The following CFAP77 variants were observed in gnomAD, a reference collection of about 807,000 sequenced individuals.
CFAP77 encodes cilia and flagella associated protein 77.
CFAP77 carries 25 observed loss-of-function variants against 31.1 expected under a neutral mutation model. That is an observed-to-expected ratio of 0.80 (90% CI 0.59 to 1.12). The LOEUF (loss-of-function observed/expected upper bound fraction) is 1.12, where lower values mean the gene tolerates loss of function less well. CFAP77 is among the 50% of genes most tolerant of loss of function. The pLI is 0.00. For missense variants in CFAP77, 377 were observed against 397.3 expected (o/e 0.95, Z 0.44); for synonymous variants, 151 against 159.9 (o/e 0.94, Z 0.42).
intron 1 of CFAP77, among the ~76,000 whole-genome samples, chr9:132,476,771 T>C (rs114427834): frequency 0.019 from 2,861 of 152,212 alleles, 96 homozygotes; most frequent in African/African-American, 0.065. Flanking sequence ...CACCGCAGAC[T>C]GCCAGCAACC....
intron 1 of CFAP77, among the ~76,000 whole-genome samples, chr9:132,425,418 C>T (rs1036427005): frequency 1.2e-4 from 19 of 152,234 alleles, no homozygotes; most frequent in African/African-American, 3.4e-4. Context: ...ATGCTCCCCC[C>T]TCCTTATCCC....
intron 1 of CFAP77, among the ~76,000 whole-genome samples, chr9:132,446,798 A>G (rs1255084140): frequency 6.6e-6 from 1 of 151,492 alleles, no homozygotes; most frequent in African/African-American, 2.4e-5. Context: ...TGAGGGCTCT[A>G]CTGTGTGGGA....
At chr9:132,426,772 T>C (rs529429737) in intron 1 of CFAP77, among the ~76,000 whole-genome samples, 1 of 152,280 alleles carries the variant, frequency 6.6e-6, no homozygotes, top group South Asian at 2.1e-4. Flanking sequence ...TTTGGGGCAG[T>C]GGTTTATGGT....
intron 1 of CFAP77, among the ~76,000 whole-genome samples, chr9:132,432,413 C>T (rs1028415044): frequency 5.3e-5 from 8 of 152,118 alleles, no homozygotes; most frequent in Admixed American, 3.3e-4. Context: ...GAGCCAGACC[C>T]GTCCATAGAT....
At chr9:132,412,597 T>G (rs538462115) in intron 1 of CFAP77, among the ~76,000 whole-genome samples, 4 of 152,192 alleles carry the variant, frequency 2.6e-5, no homozygotes, top group Admixed American at 2.6e-4. Flanking sequence ...TTTTGGGTTT[T>G]TTTGTTTGTT....
At chr9:132,535,906 A>G (rs1277828047) in intron 3 of CFAP77, among the ~76,000 whole-genome samples, 2 of 152,288 alleles carry the variant, frequency 1.3e-5, no homozygotes, top group South Asian at 2.1e-4. Context: ...AGTCAAAACT[A>G]TAACACAAAG....
intron 3 of CFAP77, among the ~76,000 whole-genome samples, chr9:132,509,958 G>A (rs1162443601): frequency 6.6e-6 from 1 of 152,134 alleles, no homozygotes; most frequent in African/African-American, 2.4e-5. Flanking sequence ...CTTCATGGGA[G>A]CTTTGTCTCC....
In CFAP77 at chr9:132,522,527, G is replaced by C. The variant is rs541565678; in HGVS notation, c.525-15074G>C. On this transcript the variant is annotated intron_variant, in intron 3 of 5. Transcript: ENST00000393216. ...GGGCTCTCCGCCTGGGGCAAAAATC[G>C]TTCATTTTGGGGGTGGGAAAAATGC... 1.6e-4 allele frequency among the ~76,000 whole-genome samples: 24 copies of C among 152,220 alleles called. No homozygotes were observed. The South Asian group carries it at 5.0e-3, about 32-fold the overall frequency.
chr9:132,456,799 G>A (rs1850923536), intron 1 of CFAP77, among the ~76,000 whole-genome samples: 1 of 151,746 alleles, frequency 6.6e-6, no homozygotes, highest in Non-Finnish European at 1.5e-5. Flanking sequence ...TGCCTAGGCT[G>A]GAGTGCAGTG....
chr9:132,509,166 C>T (rs182913084), intron 3 of CFAP77, among the ~76,000 whole-genome samples: 18 of 152,334 alleles, frequency 1.2e-4, no homozygotes, highest in South Asian at 1.0e-3. Context: ...GTGCAGCAGA[C>T]GCCCGTCACC....
In CFAP77 at chr9:132,542,271, C is replaced by T. The variant is rs1399375744; in HGVS notation, c.631-675C>T. ...CATCCCCAGCCGCCTACGCCCCATCCCCTGGCACATCTTAGGACATGACAC... is the reference window on the plus strand; with the variant it reads ...CATCCCCAGCCGCCTACGCCCCATCTCCTGGCACATCTTAGGACATGACAC... On this transcript the variant is annotated intron_variant, in intron 4 of 5. Transcript: ENST00000393216. Among the ~76,000 whole-genome samples the T allele has an allele frequency of 2.6e-5, 4 of 152,246 alleles. No individual in the cohort carries two copies. In the East Asian group the frequency reaches 7.7e-4, roughly 29 times the overall value.
intron 1 of CFAP77, among the ~76,000 whole-genome samples, chr9:132,433,963 C>T (rs1850459802): frequency 7.0e-6 from 1 of 142,178 alleles, no homozygotes; most frequent in Admixed American, 7.0e-5. Flanking sequence ...ATAGGGAGAC[C>T]CCATGTGTAA....
chr9:132,469,699 T>A (rs1209012822), intron 1 of CFAP77, among the ~76,000 whole-genome samples: 1 of 152,088 alleles, frequency 6.6e-6, no homozygotes, highest in African/African-American at 2.4e-5. Flanking sequence ...AATTACAGAC[T>A]CACAGAGAGG....
At chr9:132,440,106 G>C (rs1212492975) in intron 1 of CFAP77, among the ~76,000 whole-genome samples, 1 of 151,968 alleles carries the variant, frequency 6.6e-6, no homozygotes, top group Non-Finnish European at 1.5e-5. Flanking sequence ...CGAGGCGAGG[G>C]GATCACTTGA....
intron 3 of CFAP77, among the ~76,000 whole-genome samples, chr9:132,505,803 T>C (rs1851921480): frequency 6.6e-6 from 1 of 152,110 alleles, no homozygotes. Context: ...GCTTCTCTCA[T>C]TTTTGTTACC....
chr9:132,476,725 G>A lies in CFAP77; in HGVS notation c.196-21970G>A, dbSNP rs182633848. ...GGGAGAAGGCCATGTGGAAACAGAG[G>A]CAGAGATTGGAGTGATACAGCCACA... is the stretch of plus-strand genomic sequence containing the variant. On this transcript the variant is annotated intron_variant, in intron 1 of 5. Coordinates refer to ENST00000393216, the MANE Select transcript of CFAP77 (RefSeq NM_001282957.2). Among the ~76,000 whole-genome samples the A allele has an allele frequency of 3.4e-3, 515 of 152,242 alleles. 3 individuals are homozygous for A. The highest frequency in any genetic ancestry group is 0.011 in the African/African-American group (476 of 41,540).
At chr9:132,566,562 A>G (rs1414884624) in intron 5 of CFAP77, among the ~76,000 whole-genome samples, 3 of 152,124 alleles carry the variant, frequency 2.0e-5, no homozygotes, top group Non-Finnish European at 4.4e-5. Context: ...CCCGTTGAGG[A>G]CTGGAACTCC....
At chr9:132,561,197 T>C (rs1852991276) in intron 5 of CFAP77, among the ~76,000 whole-genome samples, 1 of 152,182 alleles carries the variant, frequency 6.6e-6, no homozygotes, top group South Asian at 2.1e-4. Context: ...TGATCCATAA[T>C]TTTCAAGTGC....
intron 1 of CFAP77, among the ~76,000 whole-genome samples, chr9:132,469,780 G>A (rs1016436247): frequency 2.6e-5 from 4 of 151,944 alleles, no homozygotes; most frequent in Admixed American, 1.3e-4. Context: ...TAGCGAAACC[G>A]GGAAATGGAC....
Sources: gnomAD v4.1 joint callset for allele counts (sites outside exome capture counted in the v4.1 genomes callset) on GRCh38, gnomAD v4.1.1 for gene constraint, MANE v1.5 for transcripts, NCBI Gene and HGNC (gene_info 2026-07-23, HGNC 2026-07-21) for gene names.